PLEKHA7: variants seen among roughly 807,000 people sequenced by gnomAD.
PLEKHA7 encodes the protein pleckstrin homology domain containing A7, also known as pleckstrin homology domain-containing family A member 7.
In PLEKHA7, 104 loss-of-function variants were observed where a neutral mutation model predicts 170.0. The ratio of observed to expected loss-of-function variants is 0.61; its 90% CI spans 0.52 to 0.72. The LOEUF (loss-of-function observed/expected upper bound fraction) is 0.72. Among genes scored for constraint, PLEKHA7 ranks in the 30% least tolerant of loss-of-function variants. PLEKHA7 has a pLI of 0.00. For missense variants in PLEKHA7, 1,615 were observed against 1,671.7 expected (o/e 0.97, Z 0.59); for synonymous variants, 648 against 660.8 (o/e 0.98, Z 0.30).
intron 23 of PLEKHA7, chr11:16,786,788 G>T (rs914745044): frequency 1.0e-6 from 1 of 985,246 alleles, no homozygotes. Flanking sequence ...AGAATTAATG[G>T]AAAAACACGC....
Position 16,925,896 on chromosome 11 carries a change from G to A in PLEKHA7, c.222-54714C>T, listed in dbSNP as rs78081840. Among the ~76,000 whole-genome samples, 13 of 152,388 alleles carry A rather than the reference G, an allele frequency of 8.5e-5. No individual in the cohort carries two copies. In the East Asian group the frequency reaches 2.5e-3, roughly 29 times the overall value. ...CTCGTAGAGGATGCTGCAAGTGGGA[G>A]GGGTAGAGAGGCTGAGGAGGGGGAG... On this transcript the variant is annotated intron_variant, in intron 3 of 26. Coordinates refer to ENST00000531066, the MANE Select transcript of PLEKHA7 (RefSeq NM_001329630.2).
At chr11:16,823,129 G>T (rs1470935339) in intron 10 of PLEKHA7, among the ~76,000 whole-genome samples, 2 of 151,906 alleles carry the variant, frequency 1.3e-5, no homozygotes, top group African/African-American at 4.8e-5. Context: ...CAAGTAGCTG[G>T]GACCACAGGT....
chr11:16,999,577 G>T (rs906580511), intron 3 of PLEKHA7, among the ~76,000 whole-genome samples: 1 of 152,072 alleles, frequency 6.6e-6, no homozygotes, highest in Non-Finnish European at 1.5e-5. Flanking sequence ...GTAACGGGGT[G>T]TACATTCAGA....
chr11:16,800,159 T>C (rs899288950), intron 17 of PLEKHA7, among the ~76,000 whole-genome samples: 1 of 152,124 alleles, frequency 6.6e-6, no homozygotes, highest in Non-Finnish European at 1.5e-5. Flanking sequence ...AACACACTTA[T>C]TATGTCAGGG....
At chr11:16,872,809 A>T (rs890874461) in intron 3 of PLEKHA7, among the ~76,000 whole-genome samples, 1 of 150,388 alleles carries the variant, frequency 6.6e-6, no homozygotes, top group Non-Finnish European at 1.5e-5. Context: ...GCCAAATGTA[A>T]TTTTTTTTTT....
At chr11:17,002,155 AG>A (rs577635391) in intron 3 of PLEKHA7, among the ~76,000 whole-genome samples, 182 of 152,310 alleles carry the variant, frequency 1.2e-3, no homozygotes, top group African/African-American at 4.2e-3. Context: ...TTTCTGAGGG[AG>A]GCCCAAGGGG....
intron 13 of PLEKHA7, among the ~76,000 whole-genome samples, chr11:16,806,238 C>T (rs1271133538): frequency 1.3e-5 from 2 of 152,242 alleles, no homozygotes; most frequent in East Asian, 1.9e-4. Context: ...GCTGTTTCTA[C>T]AGCTCAGAGG....
intron 3 of PLEKHA7, among the ~76,000 whole-genome samples, chr11:16,887,439 G>A (rs1339511971): frequency 2.0e-5 from 3 of 151,240 alleles, no homozygotes; most frequent in Admixed American, 2.0e-4. Flanking sequence ...TCCCTCCGAT[G>A]CCGAGTCGAA....
At chr11:16,818,558 T>C (rs1455155322) in intron 10 of PLEKHA7, among the ~76,000 whole-genome samples, 1 of 152,238 alleles carries the variant, frequency 6.6e-6, no homozygotes, top group Non-Finnish European at 1.5e-5. Flanking sequence ...GTCATCACAC[T>C]GCCTGTAACT....
intron 3 of PLEKHA7, among the ~76,000 whole-genome samples, chr11:16,907,134 G>A (rs1857819134): frequency 1.2e-5 from 1 of 85,488 alleles, no homozygotes; most frequent in African/African-American, 5.0e-5. Context: ...CCCCCGCCCG[G>A]CCAGCCGCCC....
chr11:16,980,258 A>AG (rs1342506296), intron 3 of PLEKHA7, among the ~76,000 whole-genome samples: 1 of 152,244 alleles, frequency 6.6e-6, no homozygotes, highest in Non-Finnish European at 1.5e-5. Flanking sequence ...ACTGTACTCA[A>AG]GGCTTTGTGT....
rs998337010 is a variant in PLEKHA7 at position 16,791,288 on chromosome 11, T to TA, written c.2746-90dup. On this transcript the variant is annotated intron_variant, in intron 19 of 26. Transcript: ENST00000531066. The surrounding 1 kb of genome is among the most constrained non-coding windows in gnomAD (Gnocchi z 4.5). ...ACTGCCACAGTGGAGGTTTAAAGGG[T>TA]AGGAACAGGCCACATCAGAGCCACA... The TA allele has an allele frequency of 1.6e-6, 2 of 1,275,530 alleles. No homozygotes were observed. The highest frequency in any genetic ancestry group is 2.1e-6 in the Non-Finnish European group (2 of 931,468). The allele number at this position is 1,275,530 out of a possible 1,614,324, so 79.0% of individuals were successfully genotyped here.
At chr11:16,844,346 G>C (rs144129240) in intron 8 of PLEKHA7, among the ~76,000 whole-genome samples, 3 of 152,180 alleles carry the variant, frequency 2.0e-5, no homozygotes, top group Admixed American at 2.0e-4. Context: ...AAACCAGAAG[G>C]TGCTGTGCCC....
intron 9 of PLEKHA7, among the ~76,000 whole-genome samples, chr11:16,830,785 C>T (rs1379196456): frequency 6.6e-6 from 1 of 152,194 alleles, no homozygotes; most frequent in Non-Finnish European, 1.5e-5. Flanking sequence ...CCTTCAAAGT[C>T]AGACAACCCT....
intron 13 of PLEKHA7, among the ~76,000 whole-genome samples, chr11:16,807,692 T>C (rs1246588954): frequency 4.6e-5 from 7 of 152,196 alleles, no homozygotes; most frequent in Non-Finnish European, 1.5e-5. Flanking sequence ...CTGTGGTGCA[T>C]CTACATGATT....
At chr11:16,806,660 G>A (rs1384034571) in intron 13 of PLEKHA7, among the ~76,000 whole-genome samples, 1 of 152,200 alleles carries the variant, frequency 6.6e-6, no homozygotes, top group Non-Finnish European at 1.5e-5. Flanking sequence ...ATGGGCAGGG[G>A]GTGGCATTTT....
chr11:16,787,974 A>T (rs1849516032), intron 23 of PLEKHA7: 1 of 152,290 alleles, frequency 6.6e-6, no homozygotes, highest in Admixed American at 6.5e-5. Context: ...TACCAGAAAC[A>T]CAAAAGGTTT....
intron 3 of PLEKHA7, among the ~76,000 whole-genome samples, chr11:16,966,907 C>G (rs1327222364): frequency 6.6e-6 from 1 of 152,194 alleles, no homozygotes; most frequent in Non-Finnish European, 1.5e-5. Context: ...TATCTCACAG[C>G]AAGAAGAGCT....
chr11:16,910,168 T>C (rs1291066018), intron 3 of PLEKHA7, among the ~76,000 whole-genome samples: 3 of 152,238 alleles, frequency 2.0e-5, no homozygotes, highest in African/African-American at 7.2e-5. Flanking sequence ...CCAATTAATA[T>C]ATGAGTAATG....
Sources: allele counts gnomAD v4.1 joint callset (sites outside exome capture counted in the v4.1 genomes callset), GRCh38; gene constraint gnomAD v4.1.1; non-coding constraint Gnocchi (gnomAD v3.1); transcripts MANE v1.5; gene names NCBI Gene and HGNC (gene_info 2026-07-23, HGNC 2026-07-21).